TDRP: variants seen among roughly 807,000 people sequenced by gnomAD.
TDRP encodes testis development-related protein.
TDRP carries 12 observed loss-of-function variants against 10.5 expected under a neutral mutation model. The ratio of observed to expected loss-of-function variants is 1.15; its 90% CI spans 0.73 to 1.86. The LOEUF is 1.86. TDRP is among the 40% of genes most tolerant of loss of function. The probability of loss-of-function intolerance (pLI) is 0.00; values close to 1 mark genes in which losing one functional copy is unlikely to be tolerated. For missense variants in TDRP, 353 were observed against 229.2 expected (o/e 1.54, Z -3.49); for synonymous variants, 139 against 95.4 (o/e 1.46, Z -2.67).
intron 2 of TDRP, 45 bp from the exon 3 acceptor site, chr8:492,789 G>C (rs562724137): frequency 7.2e-7 from 1 of 1,396,846 alleles, no homozygotes; most frequent in Admixed American, 2.3e-5. Context: ...CAGGTCTTAG[G>C]GCCTCAAGCT....
At position 492,240 on chromosome 8, in the gene TDRP, G is replaced by A. The variant is rs1269023838; in HGVS notation, c.*159C>T. 2.3e-6 allele frequency: 3 copies of A among 1,326,858 alleles called. No individual in the cohort carries two copies. The highest frequency in any genetic ancestry group is 2.8e-4 in the Middle Eastern group (1 of 3,576). 82.2% of individuals were successfully genotyped at this position (1,326,858 alleles called of 1,614,324 possible). On this transcript the variant is annotated 3_prime_UTR_variant, in exon 3 of 3. Transcript: ENST00000324079. Reference sequence around the variant, plus strand: ...CACGTGTTCACCAAGGAGTCACAGTGTGTGTGAGAGTTCATTAAATAAAGA... The same window carrying A: ...CACGTGTTCACCAAGGAGTCACAGTATGTGTGAGAGTTCATTAAATAAAGA...
At chr8:545,068 C>G (rs1309028936), upstream of TDRP, 2 of 206,322 alleles carry the variant, frequency 9.7e-6, no homozygotes, top group African/African-American at 2.5e-5. Flanking sequence ...TTCCCCAGGA[C>G]CAGACCCACC....
chr8:507,832 G>C (rs1056082712), intron 1 of TDRP, among the ~76,000 whole-genome samples: 2 of 152,170 alleles, frequency 1.3e-5, no homozygotes, highest in Admixed American at 6.5e-5. Flanking sequence ...ATACCTGGGT[G>C]ACAAAATAAT....
chr8:527,722 G>C lies in TDRP; in HGVS notation c.108+16928C>G, dbSNP rs147100282. 6.6e-5 allele frequency among the ~76,000 whole-genome samples: 10 copies of C among 152,188 alleles called. No homozygotes were observed. In the East Asian group the frequency reaches 1.2e-3, roughly 18 times the overall value. ...ATCCACATGCAGAAGAATGAAACTA[G>C]ACTCCTATTTCTCACCATACACACA... On this transcript the variant is annotated intron_variant, in intron 1 of 2. Transcript: ENST00000324079.
intron 1 of TDRP, among the ~76,000 whole-genome samples, chr8:530,980 A>G (rs1038287672): frequency 2.0e-5 from 3 of 152,102 alleles, no homozygotes; most frequent in African/African-American, 7.2e-5. Flanking sequence ...TGAAGCCCCC[A>G]GGCATCCAAA....
intron 1 of TDRP, among the ~76,000 whole-genome samples, chr8:530,106 G>A (rs78141699): frequency 0.044 from 6,743 of 151,722 alleles, 197 homozygotes; most frequent in Admixed American, 0.092. Flanking sequence ...TGAGTTTGAC[G>A]ATTCTTCTGC....
At chr8:513,553 T>C (rs965124961) in intron 1 of TDRP, among the ~76,000 whole-genome samples, 2 of 152,188 alleles carry the variant, frequency 1.3e-5, no homozygotes, top group African/African-American at 4.8e-5. Context: ...CACAACATAC[T>C]AAATGGTTAA....
At chr8:536,038 G>C (rs1021233514) in intron 1 of TDRP, among the ~76,000 whole-genome samples, 5 of 152,150 alleles carry the variant, frequency 3.3e-5, no homozygotes, top group African/African-American at 9.7e-5. Flanking sequence ...GCAAAAATCA[G>C]TAAAAGTACA....
intron 1 of TDRP, among the ~76,000 whole-genome samples, chr8:531,581 G>A (rs931635219): frequency 6.6e-6 from 1 of 152,180 alleles, no homozygotes; most frequent in Non-Finnish European, 1.5e-5. Context: ...TTTTATCTAC[G>A]ACAAAAATGA....
intron 2 of TDRP, 45 bp downstream of exon 2, chr8:494,449 C>T (rs760933411): frequency 2.5e-6 from 4 of 1,571,724 alleles, no homozygotes; most frequent in Non-Finnish European, 3.5e-6. Flanking sequence ...CAGTGACTTC[C>T]TCCCTCTCCT....
chr8:506,012 A>G lies in TDRP; in HGVS notation c.109-11415T>C, dbSNP rs190462197. Reference sequence around the variant, plus strand: ...GTGGGCATGGACATCACTGTGGCCTAATGGCTGGGGGTCTGGGTGTCCTCT... The same window carrying G: ...GTGGGCATGGACATCACTGTGGCCTGATGGCTGGGGGTCTGGGTGTCCTCT... On this transcript the variant is annotated intron_variant, in intron 1 of 2. Coordinates refer to ENST00000324079, the MANE Select transcript of TDRP (RefSeq NM_001384899.1). 3.0e-4 allele frequency among the ~76,000 whole-genome samples: 46 copies of G among 152,256 alleles called. No individual in the cohort carries two copies. The East Asian group carries it at 6.0e-3, about 20-fold the overall frequency.
chr8:544,896 AC>A (rs1321920353), upstream of TDRP: 5 of 501,966 alleles, frequency 1.0e-5, no homozygotes, highest in Admixed American at 4.7e-5. Flanking sequence ...GGGGCGGGGC[AC>A]CCCCAGAACT....
chr8:524,068 C>T (rs140271855), intron 1 of TDRP, among the ~76,000 whole-genome samples: 1 of 152,336 alleles, frequency 6.6e-6, no homozygotes, highest in East Asian at 1.9e-4. Flanking sequence ...GTGCTTGTGT[C>T]ACCCCTCTCC....
At chr8:513,721 T>A (rs760447355) in intron 1 of TDRP, among the ~76,000 whole-genome samples, 1 of 152,212 alleles carries the variant, frequency 6.6e-6, no homozygotes, top group Non-Finnish European at 1.5e-5. Flanking sequence ...TATTTGCTGA[T>A]AACATGATCT....
chr8:527,833 T>G (rs891719301), intron 1 of TDRP, among the ~76,000 whole-genome samples: 2 of 151,992 alleles, frequency 1.3e-5, no homozygotes, highest in Non-Finnish European at 2.9e-5. Context: ...TCAGGGAAAC[T>G]CTCCAGGACA....
intron 1 of TDRP, among the ~76,000 whole-genome samples, chr8:536,813 G>C (rs564030187): frequency 1.3e-5 from 2 of 152,258 alleles, no homozygotes; most frequent in East Asian, 3.9e-4. Context: ...AGAGGAGCCA[G>C]CTGAATCCGG....
At chr8:500,455 C>A (rs1012588999) in intron 1 of TDRP, among the ~76,000 whole-genome samples, 1 of 152,196 alleles carries the variant, frequency 6.6e-6, no homozygotes, top group East Asian at 1.9e-4. Context: ...CCCTGAAGGC[C>A]TTGTTTAGAA....
At chr8:493,318 G>C (rs1450365391) in intron 2 of TDRP, among the ~76,000 whole-genome samples, 2 of 152,244 alleles carry the variant, frequency 1.3e-5, no homozygotes, top group African/African-American at 4.8e-5. Flanking sequence ...ACATTGTTAA[G>C]AACACCAGTG....
intron 1 of TDRP, 138 bp downstream of exon 1, chr8:544,512 G>C (rs1802583279): frequency 2.0e-6 from 1 of 495,354 alleles, no homozygotes; most frequent in African/African-American, 2.0e-5. Flanking sequence ...GCGCCCCGGA[G>C]CTACGCGGCC....
Sources: gnomAD v4.1 joint callset for allele counts (sites outside exome capture counted in the v4.1 genomes callset) on GRCh38, gnomAD v4.1.1 for gene constraint, MANE v1.5 for transcripts, NCBI Gene and HGNC (gene_info 2026-07-23, HGNC 2026-07-21) for gene names.